CADPS: variants seen among roughly 807,000 people sequenced by gnomAD.
The protein encoded by CADPS is calcium-dependent secretion activator 1.
In CADPS, 57 loss-of-function variants were observed where a neutral mutation model predicts 167.3. The observed-to-expected ratio is 0.34, with a 90% CI of 0.28 to 0.42. CADPS has a LOEUF of 0.42. Among genes scored for constraint, CADPS ranks in the 20% least tolerant of loss-of-function variants. The pLI is 1.00. For synonymous variants in CADPS, 676 were observed against 635.3 expected, an observed-to-expected ratio of 1.06 and a Z score of -0.96; for missense variants, 1,414 against 1,738.1, an observed-to-expected ratio of 0.81 and a Z score of 3.32.
intron 1 of CADPS, among the ~76,000 whole-genome samples, chr3:62,791,528 T>A (rs149792282): frequency 5.3e-5 from 8 of 152,282 alleles, no homozygotes; most frequent in Non-Finnish European, 1.0e-4. Context: ...TTTAACAAGA[T>A]CTCCAGGTTG....
chr3:62,528,324 A>G (rs535734991), intron 13 of CADPS, among the ~76,000 whole-genome samples: 1 of 152,284 alleles, frequency 6.6e-6, no homozygotes, highest in African/African-American at 2.4e-5. Flanking sequence ...AGCCTCAAGC[A>G]CTCATCTATT....
intron 1 of CADPS, among the ~76,000 whole-genome samples, chr3:62,865,115 G>A (rs915712880): frequency 2.0e-5 from 3 of 152,094 alleles, no homozygotes; most frequent in Non-Finnish European, 4.4e-5. Flanking sequence ...CAGAAAAATC[G>A]CCAATGTAGA....
Position 62,735,296 on chromosome 3 carries a change from A to C in CADPS, c.888+18145T>G, listed in dbSNP as rs1381159140. 2.6e-5 allele frequency among the ~76,000 whole-genome samples: 4 copies of C among 152,148 alleles called. No homozygotes were observed. In the South Asian group the frequency reaches 6.2e-4, roughly 24 times the overall value. ...TAAAATAGTCAAAACACTACTATAG[A>C]TCTGTTAAGTGTATGTATTTCAGTA... On this transcript the variant is annotated intron_variant, in intron 3 of 29. Transcript: ENST00000383710.
intron 17 of CADPS, among the ~76,000 whole-genome samples, chr3:62,505,453 C>A (rs1295662399): frequency 6.6e-6 from 1 of 152,166 alleles, no homozygotes; most frequent in Non-Finnish European, 1.5e-5. Flanking sequence ...CGTACTAGAT[C>A]ACGTGCTTAT....
intron 24 of CADPS, among the ~76,000 whole-genome samples, chr3:62,473,089 G>T (rs186587193): frequency 6.6e-6 from 1 of 152,140 alleles, no homozygotes; most frequent in Non-Finnish European, 1.5e-5. Context: ...GAGAACCACT[G>T]CCCCAGATCA....
At chr3:62,664,358 C>T (rs1328449810) in intron 3 of CADPS, among the ~76,000 whole-genome samples, 2 of 152,126 alleles carry the variant, frequency 1.3e-5, no homozygotes, top group African/African-American at 4.8e-5. Context: ...TTGCATAATA[C>T]TCATAGAACA....
At chr3:62,811,107 C>T (rs182443313) in intron 1 of CADPS, among the ~76,000 whole-genome samples, 79 of 152,306 alleles carry the variant, frequency 5.2e-4, no homozygotes, top group Non-Finnish European at 7.8e-4. Flanking sequence ...GATGCCCCAA[C>T]AAAAGCTGAA....
At chr3:62,543,992 G>A (rs1253411387) in intron 11 of CADPS, among the ~76,000 whole-genome samples, 1 of 151,966 alleles carries the variant, frequency 6.6e-6, no homozygotes, top group Non-Finnish European at 1.5e-5. Context: ...TGTCAAAAAA[G>A]TTATTGTTGT....
At chr3:62,483,631 A>C (rs1361917696) in intron 21 of CADPS, among the ~76,000 whole-genome samples, 1 of 152,176 alleles carries the variant, frequency 6.6e-6, no homozygotes, top group Non-Finnish European at 1.5e-5. Context: ...TTGGAACTAA[A>C]GGGTGCTCTT....
At chr3:62,558,417 C>G (rs976565793) in intron 9 of CADPS, among the ~76,000 whole-genome samples, 61 of 152,232 alleles carry the variant, frequency 4.0e-4, no homozygotes, top group Non-Finnish European at 1.5e-4. Context: ...CGTGGGAAAG[C>G]AAGCATCCTC....
At chr3:62,561,907 G>C (rs138141042) in intron 9 of CADPS, among the ~76,000 whole-genome samples, 57 of 152,318 alleles carry the variant, frequency 3.7e-4, no homozygotes, top group African/African-American at 1.2e-3. Context: ...ATTTAGAAAA[G>C]AGTTGTTTAT....
chr3:62,657,435 TCACAGCAG>T (rs1245378717), intron 4 of CADPS, among the ~76,000 whole-genome samples: 4 of 152,158 alleles, frequency 2.6e-5, no homozygotes, highest in African/African-American at 9.7e-5. Flanking sequence ...CTGGCAAATA[TCACAGCAG>T]CACTAATGCC....
At position 62,595,630 on chromosome 3, in the gene CADPS, A is replaced by G. The variant is rs534789811; in HGVS notation, c.1326-2882T>C. Among the ~76,000 whole-genome samples, 277 of 152,256 alleles carry G rather than the reference A, an allele frequency of 1.8e-3. 2 individuals are homozygous for G. Among genetic ancestry groups the G allele is most frequent in the African/African-American group, 6.3e-3 (263 of 41,540 alleles). On this transcript the variant is annotated intron_variant, in intron 6 of 29. Coordinates refer to ENST00000383710, the MANE Select transcript of CADPS (RefSeq NM_003716.4). Reference sequence around the variant, plus strand: ...TAGTAATAGTGATTATTGCTTATCTATTTATATTTATTTATTTAATGATTA... The same window carrying G: ...TAGTAATAGTGATTATTGCTTATCTGTTTATATTTATTTATTTAATGATTA...
At position 62,753,450 on chromosome 3, in the gene CADPS, A is replaced by G. The variant is rs1213077939; in HGVS notation, c.879T>C (p.Asn293=). The G allele has an allele frequency of 6.2e-6, 10 of 1,607,850 alleles. 1 individual carries two copies. The South Asian group carries it at 9.9e-5, about 16-fold the overall frequency. ...GCGAGAAACACCTTACCTGGCAGGC[A>G]TTGTAAAGGAGCTGATGTTCGAACT... ...IKKFEHQLLY[N]ACQLDNPDEQ... is the part of the protein sequence containing the mutation. The change falls in exon 3 of 30, where the codon AAT becomes AAC. Residue 293 remains asparagine (N), a synonymous_variant. Coordinates refer to ENST00000383710, the MANE Select transcript of CADPS (RefSeq NM_003716.4). This position sits in a 1 kb window ranked among gnomAD's most constrained non-coding sequence, Gnocchi z 4.6.
chr3:62,730,086 A>G (rs1384654155), intron 3 of CADPS, among the ~76,000 whole-genome samples: 1 of 151,974 alleles, frequency 6.6e-6, no homozygotes, highest in Non-Finnish European at 1.5e-5. Context: ...TAGACTGTGA[A>G]TCTGTGAAGT....
At chr3:62,615,974 C>T (rs1449072408) in intron 6 of CADPS, among the ~76,000 whole-genome samples, 1 of 152,150 alleles carries the variant, frequency 6.6e-6, no homozygotes, top group Non-Finnish European at 1.5e-5. Flanking sequence ...TACTGCATCA[C>T]TTTACAGCTA....
chr3:62,651,100 G>A lies in CADPS; in HGVS notation c.970-20C>T, dbSNP rs774737883. ...GCGTTCCTTGGGAAGAAAAAGAAAA[G>A]TATGAGCAGAGGAGAAAATAGAAAG... On this transcript the variant is annotated intron_variant, in intron 4 of 29. Coordinates refer to ENST00000383710, the MANE Select transcript of CADPS (RefSeq NM_003716.4). 2.4e-5 allele frequency: 37 copies of A among 1,538,460 alleles called. No individual in the cohort carries two copies. Among genetic ancestry groups the A allele is most frequent in the Middle Eastern group, 1.7e-4 (1 of 5,912 alleles).
intron 1 of CADPS, among the ~76,000 whole-genome samples, chr3:62,838,702 A>G (rs971848576): frequency 4.6e-5 from 7 of 152,218 alleles, no homozygotes; most frequent in Non-Finnish European, 8.8e-5. Flanking sequence ...ATGAGTTAAT[A>G]TTTCTAAGGC....
intron 3 of CADPS, among the ~76,000 whole-genome samples, chr3:62,697,185 A>G (rs1052381487): frequency 6.6e-5 from 10 of 151,982 alleles, no homozygotes; most frequent in Admixed American, 6.6e-4. Context: ...TTTAGTGGTG[A>G]TTTGTAAAAT....
Sources: allele counts gnomAD v4.1 joint callset (sites outside exome capture counted in the v4.1 genomes callset), GRCh38; gene constraint gnomAD v4.1.1; non-coding constraint Gnocchi (gnomAD v3.1); transcripts MANE v1.5; gene names NCBI Gene and HGNC (gene_info 2026-07-23, HGNC 2026-07-21).